The following MPDZ variants were observed in gnomAD, a reference collection of about 807,000 sequenced individuals.
The protein encoded by MPDZ is multiple PDZ domain crumbs cell polarity complex component.
MPDZ carries 234 observed loss-of-function variants against 239.1 expected under a neutral mutation model. The observed-to-expected ratio is 0.98, with a 90% CI of 0.88 to 1.09. The LOEUF (loss-of-function observed/expected upper bound fraction) is 1.09. MPDZ is among the 50% of genes least tolerant of loss of function. The pLI, the probability that MPDZ is intolerant of heterozygous loss-of-function variation, is 0.00. For synonymous variants in MPDZ, 1,048 were observed against 881.3 expected, an observed-to-expected ratio of 1.19 and a Z score of -3.35; for missense variants, 3,175 against 2,510.0, an observed-to-expected ratio of 1.26 and a Z score of -5.66.
intron 43 of MPDZ, among the ~76,000 whole-genome samples, 157 bp downstream of exon 43, chr9:13,111,867 T>C (rs1464139033): frequency 6.6e-6 from 1 of 152,256 alleles, no homozygotes; most frequent in Non-Finnish European, 1.5e-5. Flanking sequence ...ATTCTTTATC[T>C]TTTATTCCAA....
rs1270677629 is a variant in MPDZ at position 13,112,122 on chromosome 9, T to G, written c.5626A>C (p.Ser1876Arg). 6.2e-7 allele frequency: 1 copy of G among 1,613,142 alleles called. No homozygotes were observed. The highest frequency in any genetic ancestry group is 2.2e-5 in the East Asian group (1 of 44,838). ...GGGCTGCCTACTCCTCCAGCGATGC[T>G]GATTCCCAGTGAGTCAGTAGGGCCC... ...KKGPTDSLGI[S>R]IAGGVGSPLG... The change falls in exon 43 of 47, where the codon AGC becomes CGC. Residue 1876 changes from serine (S) to arginine (R), a missense_variant. Ser to Arg is a moderately radical substitution (Grantham distance 110). Coordinates refer to ENST00000319217, the MANE Select transcript of MPDZ (RefSeq NM_001378778.1).
intron 1 of MPDZ, among the ~76,000 whole-genome samples, chr9:13,260,270 A>C (rs1970377364): frequency 6.6e-6 from 1 of 152,168 alleles, no homozygotes; most frequent in Admixed American, 6.5e-5. Flanking sequence ...GGTAAGAGGC[A>C]TTTTCAAAAC....
chr9:13,162,540 A>G, intron 23 of MPDZ, 151 bp downstream of exon 23: 1 of 390,168 alleles, frequency 2.6e-6, no homozygotes, highest in Non-Finnish European at 4.5e-6. Context: ...TTACTTATAT[A>G]ATTGAGGGAA....
intron 1 of MPDZ, among the ~76,000 whole-genome samples, chr9:13,259,334 G>C (rs2382395): frequency 1.3e-5 from 2 of 151,614 alleles, no homozygotes; most frequent in African/African-American, 4.8e-5. Context: ...AGTCTGTCTC[G>C]GAAAACAAAA....
At chr9:13,238,654 T>A (rs1026945620) in intron 3 of MPDZ, among the ~76,000 whole-genome samples, 27 of 152,292 alleles carry the variant, frequency 1.8e-4, no homozygotes, top group African/African-American at 6.3e-4. Context: ...GCAACTAAAC[T>A]TTAAGAAAAC....
rs369427788 is a variant in MPDZ at position 13,175,855 on chromosome 9, T to C, written c.2952A>G (p.Glu984=). ...SAGKGSEYLL[E]QSSLACNAEC... ...CAGCATTACAGGCCAGGGAGCTCTGTTCAAGCAGGTACTCAGAGCCCTTTA... is the reference window on the plus strand; with the variant it reads ...CAGCATTACAGGCCAGGGAGCTCTGCTCAAGCAGGTACTCAGAGCCCTTTA... Residue 984 remains glutamate, a synonymous_variant, in exon 21 of 47, where the codon GAA becomes GAG. Coordinates refer to ENST00000319217, the MANE Select transcript of MPDZ (RefSeq NM_001378778.1). The C allele has an allele frequency of 1.6e-5, 25 of 1,594,160 alleles. 1 individual carries two copies. The highest frequency in any genetic ancestry group is 1.5e-4 in the African/African-American group (11 of 74,632).
chr9:13,192,184 T>G lies in MPDZ; in HGVS notation c.1915A>C (p.Thr639Pro), dbSNP rs187961007. 2 of 1,611,188 alleles carry G rather than the reference T, an allele frequency of 1.2e-6. No individual in the cohort carries two copies. The highest frequency in any genetic ancestry group is 4.5e-5 in the East Asian group (2 of 44,676). ...TCCAGGCTATCCAATTCTGATTGGG[T>G]GGTGGGTGGCACAGTTCGACGACAG... ...VCCRRTVPPT[T>P]QSELDSLDLC... Residue 639 changes from threonine (T) to proline (P), a missense_variant, in exon 15 of 47, where the codon ACC (threonine) becomes CCC (proline). By Grantham distance (38) the Thr-to-Pro change is conservative. Transcript: ENST00000319217.
chr9:13,233,359 T>C (rs1476378745), intron 3 of MPDZ, among the ~76,000 whole-genome samples: 1 of 152,074 alleles, frequency 6.6e-6, no homozygotes, highest in Non-Finnish European at 1.5e-5. Flanking sequence ...CTACTACACA[T>C]ACAATACAAA....
chr9:13,260,293 G>A (rs2138663165), intron 1 of MPDZ, among the ~76,000 whole-genome samples: 1 of 152,180 alleles, frequency 6.6e-6, no homozygotes, highest in South Asian at 2.1e-4. Context: ...GAGAAGAAAA[G>A]GAAAATAAAG....
intron 10 of MPDZ, among the ~76,000 whole-genome samples, chr9:13,209,500 A>G (rs1436968330): frequency 6.6e-6 from 1 of 152,092 alleles, no homozygotes; most frequent in Non-Finnish European, 1.5e-5. Context: ...AAACCATACA[A>G]TCTGCAGCAG....
chr9:13,149,801 T>C (rs1948913817), intron 25 of MPDZ, among the ~76,000 whole-genome samples: 1 of 151,996 alleles, frequency 6.6e-6, no homozygotes, highest in South Asian at 2.1e-4. Flanking sequence ...TTCTAACACA[T>C]AACAAAATGC....
chr9:13,145,859 GA>G, intron 26 of MPDZ, among the ~76,000 whole-genome samples: 1 of 152,020 alleles, frequency 6.6e-6, no homozygotes, highest in South Asian at 2.1e-4. Flanking sequence ...AAGCAATATT[GA>G]GAATCACTAT....
At chr9:13,131,488 T>A (rs769754799) in intron 32 of MPDZ, among the ~76,000 whole-genome samples, 6 of 152,168 alleles carry the variant, frequency 3.9e-5, no homozygotes, top group Admixed American at 2.0e-4. Flanking sequence ...CAGCCTGTTG[T>A]ATGGCAGGAG....
intron 10 of MPDZ, among the ~76,000 whole-genome samples, chr9:13,214,791 C>A (rs1262177545): frequency 2.0e-5 from 3 of 151,904 alleles, no homozygotes; most frequent in Non-Finnish European, 4.4e-5. Context: ...TGGAGATACA[C>A]AGAGAAAGCT....
intron 29 of MPDZ, among the ~76,000 whole-genome samples, chr9:13,137,458 C>T (rs984626315): frequency 6.6e-6 from 1 of 152,152 alleles, no homozygotes; most frequent in African/African-American, 2.4e-5. Context: ...ACAACACAAG[C>T]AAATAAAATT....
At position 13,192,128 on chromosome 9, in the gene MPDZ, T is replaced by A. The variant is rs373084416; in HGVS notation, c.1968+3A>T. On this transcript the variant is annotated splice_donor_region_variant and intron_variant, in intron 15 of 46. Coordinates refer to ENST00000319217, the MANE Select transcript of MPDZ (RefSeq NM_001378778.1). The stretch of plus-strand genomic sequence containing the variant: ...GTTAGCCTCATGTATGCAAATCTGA[T>A]ACCTTTTCTGTTAGCTCAATATCAC... 2.6e-4 allele frequency: 406 copies of A among 1,589,464 alleles called. No homozygotes were observed. Among genetic ancestry groups the A allele is most frequent in the Non-Finnish European group, 3.3e-4 (384 of 1,166,828 alleles).
At chr9:13,148,505 A>T (rs889754088) in intron 25 of MPDZ, among the ~76,000 whole-genome samples, 2 of 152,074 alleles carry the variant, frequency 1.3e-5, no homozygotes, top group African/African-American at 4.8e-5. Context: ...GAACATTATT[A>T]TCTTTAAAAG....
chr9:13,131,522 G>A (rs554245966), intron 32 of MPDZ, among the ~76,000 whole-genome samples: 18 of 152,084 alleles, frequency 1.2e-4, no homozygotes, highest in Non-Finnish European at 2.6e-4. Context: ...AAGCGAAACC[G>A]CCATGGTGAC....
chr9:13,274,383 G>C (rs1425307629), intron 1 of MPDZ: 1 of 151,064 alleles, frequency 6.6e-6, no homozygotes, highest in Non-Finnish European at 1.5e-5. Context: ...TGGTTTACAA[G>C]AAAATAACAA....
Sources: allele counts gnomAD v4.1 joint callset (sites outside exome capture counted in the v4.1 genomes callset), GRCh38; gene constraint gnomAD v4.1.1; transcripts MANE v1.5; gene names NCBI Gene and HGNC (gene_info 2026-07-23, HGNC 2026-07-21).